The following TRMT44 variants were observed in gnomAD, a reference collection of about 807,000 sequenced individuals.
TRMT44 encodes probable tRNA (uracil-O(2)-)-methyltransferase.
Under a neutral mutation model 77.3 loss-of-function variants are expected in TRMT44, and 78 were observed. That is an observed-to-expected ratio of 1.01 (90% CI 0.84 to 1.22). The LOEUF is 1.22. Among genes scored for constraint, TRMT44 ranks in the 50% most tolerant of loss-of-function variants. TRMT44 has a pLI of 0.00. For missense variants in TRMT44, 1,090 were observed against 964.4 expected (o/e 1.13, Z -1.73); for synonymous variants, 391 against 383.3 (o/e 1.02, Z -0.23).
chr4:8,504,482 G>C, the TRMT44 span, among the ~76,000 whole-genome samples: 1 of 152,120 alleles, frequency 6.6e-6, no homozygotes, highest in Non-Finnish European at 1.5e-5. This position sits in a 1 kb window ranked among gnomAD's most constrained non-coding sequence, Gnocchi z 5.3. Context: ...GTCCAGACCT[G>C]GGCTCCATGC....
chr4:8,512,099 C>T, the TRMT44 span: 1 of 152,150 alleles, frequency 6.6e-6, no homozygotes, highest in African/African-American at 2.4e-5. Flanking sequence ...CAGAGTCTCA[C>T]TCTGTCACCC....
Position 8,452,014 on chromosome 4 carries a change from G to A in TRMT44, c.1009G>A (p.Ala337Thr), listed in dbSNP as rs146119368. ...GTTCGTGTATGAAGATGTGGCTATC[G>A]CAGCATACCTGCTGGTAAGGGTGTA... ...EKFVYEDVAI[A>T]AYLLILWEEE... The change falls in exon 4 of 11, where the codon GCA becomes ACA. Residue 337 changes from alanine to threonine, a missense_variant. Ala to Thr is a moderately conservative substitution (Grantham distance 58). Coordinates refer to ENST00000389737, the MANE Select transcript of TRMT44 (RefSeq NM_152544.3). This position sits in a 1 kb window ranked among gnomAD's most constrained non-coding sequence, Gnocchi z 5.7. 1.5e-4 allele frequency: 223 copies of A among 1,536,616 alleles called. 2 individuals are homozygous for A. In the East Asian group the frequency reaches 5.2e-3, roughly 36 times the overall value.
Position 8,444,665 on chromosome 4 carries a change from C to T in TRMT44, c.620-1811C>T, listed in dbSNP as rs544508423. ...CGCCTGCCTTGGCCTCCCAAAGTGC[C>T]GGGGTTACGGGCGTGAGCCACCTCT... On this transcript the variant is annotated intron_variant, in intron 1 of 10. Transcript: ENST00000389737. This position sits in a 1 kb window ranked among gnomAD's most constrained non-coding sequence, Gnocchi z 4.0. Among the ~76,000 whole-genome samples the T allele has an allele frequency of 9.1e-4, 139 of 152,206 alleles. 1 individual carries two copies. The highest frequency in any genetic ancestry group is 3.2e-3 in the African/African-American group (131 of 41,542).
intron 2 of TRMT44, among the ~76,000 whole-genome samples, chr4:8,489,607 G>T (rs952198974): frequency 3.3e-5 from 5 of 152,162 alleles, no homozygotes; most frequent in Non-Finnish European, 7.4e-5. Flanking sequence ...CTCCCGAGTG[G>T]CTGGGATTAC....
Position 8,446,952 on chromosome 4 carries a change from C to A in TRMT44, c.734+362C>A, listed in dbSNP as rs977857100. Among the ~76,000 whole-genome samples, 1 of 152,198 alleles carries A rather than the reference C, an allele frequency of 6.6e-6. No homozygotes were observed. Among genetic ancestry groups the A allele is most frequent in the African/African-American group, 2.4e-5 (1 of 41,450 alleles). On this transcript the variant is annotated intron_variant, in intron 2 of 10. Transcript: ENST00000389737. The surrounding 1 kb of genome is among the most constrained non-coding windows in gnomAD (Gnocchi z 4.3). ...CCAGGCTGGAGTGCATTGGTGCCAT[C>A]GCATTTCACTGCAACCTCTACCTCC... is the stretch of plus-strand genomic sequence containing the variant.
At chr4:8,499,979 A>G in the TRMT44 span, among the ~76,000 whole-genome samples, 1 of 152,248 alleles carries the variant, frequency 6.6e-6, no homozygotes, top group Non-Finnish European at 1.5e-5. Flanking sequence ...CTGTAATCCC[A>G]TCACTTCGGG....
In TRMT44 at chr4:8,476,136, A is replaced by G. The variant is rs998092801; in HGVS notation, c.*135A>G. Reference sequence around the variant, plus strand: ...CTCCCAGCTTTCTCCACATCCTCACAGTGATGAACCGTATTTCATAAACAT... The same window carrying G: ...CTCCCAGCTTTCTCCACATCCTCACGGTGATGAACCGTATTTCATAAACAT... On this transcript the variant is annotated 3_prime_UTR_variant, in exon 11 of 11. Coordinates refer to ENST00000389737, the MANE Select transcript of TRMT44 (RefSeq NM_152544.3). 2.5e-5 allele frequency: 19 copies of G among 751,020 alleles called. No homozygotes were observed. Among genetic ancestry groups the G allele is most frequent in the Non-Finnish European group, 3.9e-5 (18 of 463,666 alleles). 46.5% of individuals were successfully genotyped at this position (751,020 alleles called of 1,614,324 possible).
At position 8,441,286 on chromosome 4, in the gene TRMT44, G is replaced by T; in HGVS notation, c.464G>T (p.Arg155Leu). 6.5e-7 allele frequency: 1 copy of T among 1,535,464 alleles called. No homozygotes were observed. The highest frequency in any genetic ancestry group is 8.7e-7 in the Non-Finnish European group (1 of 1,146,638). The change falls in exon 1 of 11, where the codon CGT (arginine) becomes CTT (leucine). Residue 155 changes from arginine to leucine, a missense_variant. Arg to Leu is a moderately radical substitution (Grantham distance 102). Coordinates refer to ENST00000389737, the MANE Select transcript of TRMT44 (RefSeq NM_152544.3). ...GAGGATTTCTCCCAAAGTCTCGCCC[G>T]TGGCAATTCGGAGTTGCTGGCCTTC... ...LWEDFSQSLA[R>L]GNSELLAFLT...
the TRMT44 span, among the ~76,000 whole-genome samples, chr4:8,504,557 G>A: frequency 3.3e-5 from 5 of 152,034 alleles, 1 homozygote; most frequent in African/African-American, 1.2e-4. This position sits in a 1 kb window ranked among gnomAD's most constrained non-coding sequence, Gnocchi z 5.3. Flanking sequence ...AGTCTGTAGT[G>A]TGCACAGGTC....
chr4:8,493,177 G>A (rs922720602), intron 2 of TRMT44: 1 of 152,212 alleles, frequency 6.6e-6, no homozygotes, highest in African/African-American at 2.4e-5. Context: ...TTATGGTGTA[G>A]GAGTAATGCA....
At position 8,441,278 on chromosome 4, in the gene TRMT44, T is replaced by G. The variant is rs1328986981; in HGVS notation, c.456T>G (p.Ser152Arg). ...LDSLWEDFSQ[S>R]LARGNSELLA... ...CGCTTTGGGAGGATTTCTCCCAAAG[T>G]CTCGCCCGTGGCAATTCGGAGTTGC... The change falls in exon 1 of 11, where the codon AGT (serine) becomes AGG (arginine). Residue 152 changes from serine (S) to arginine (R), a missense_variant. By Grantham distance (110) the Ser-to-Arg change is moderately radical. Transcript: ENST00000389737. 1 of 1,535,388 alleles carries G rather than the reference T, an allele frequency of 6.5e-7. No individual in the cohort carries two copies. The highest frequency in any genetic ancestry group is 1.4e-5 in the African/African-American group (1 of 73,050).
Position 8,471,067 on chromosome 4 carries a change from A to T in TRMT44, c.1928-17A>T, listed in dbSNP as rs557886814. 2.6e-6 allele frequency: 4 copies of T among 1,563,824 alleles called. No individual in the cohort carries two copies. The highest frequency in any genetic ancestry group is 1.2e-5 in the South Asian group (1 of 84,080). ...TTGCTGTTGTTTTGGGGAAAAAAAA[A>T]ACCCGTTTTTCCACAGAGAGCCTAT... On this transcript the variant is annotated splice_polypyrimidine_tract_variant and intron_variant, in intron 9 of 10. Transcript: ENST00000389737.
In TRMT44 at chr4:8,441,406, C is replaced by T; in HGVS notation, c.584C>T (p.Pro195Leu). The T allele has an allele frequency of 6.6e-7, 1 of 1,525,472 alleles. No individual in the cohort carries two copies. The highest frequency in any genetic ancestry group is 8.8e-7 in the Non-Finnish European group (1 of 1,138,730). The allele number at this position is 1,525,472 out of a possible 1,614,324, so 94.5% of individuals were successfully genotyped here. A position where few individuals can be genotyped will look rare whatever the true frequency, so the allele number is the denominator to read the frequency against. The part of the protein sequence containing the change: ...TVIPKTSPHC[P>L]LTTPRREIVV... ...ATCCCGAAAACTAGCCCACATTGCC[C>T]CCTTACAACTCCCAGGAGGGAAATA... Residue 195 changes from proline (P) to leucine (L), a missense_variant, in exon 1 of 11, where the codon CCC becomes CTC. Pro to Leu is a moderately conservative substitution (Grantham distance 98). Transcript: ENST00000389737.
At chr4:8,463,556 CCT>C (rs1726307632) in intron 6 of TRMT44, among the ~76,000 whole-genome samples, 1 of 152,154 alleles carries the variant, frequency 6.6e-6, no homozygotes, top group African/African-American at 2.4e-5. Context: ...AGGTTAGACC[CCT>C]GTGTTGTATT....
At chr4:8,513,361 C>T in the TRMT44 span, among the ~76,000 whole-genome samples, 2,551 of 152,268 alleles carry the variant, frequency 0.017, 28 homozygotes, top group Non-Finnish European at 0.027. Flanking sequence ...TTCACTATCA[C>T]GAGAACAGCA....
chr4:8,498,978 C>T, the TRMT44 span, among the ~76,000 whole-genome samples: 25 of 152,070 alleles, frequency 1.6e-4, no homozygotes, highest in East Asian at 2.9e-3. This position sits in a 1 kb window ranked among gnomAD's most constrained non-coding sequence, Gnocchi z 4.3. Flanking sequence ...GGGGGTCCCT[C>T]GTGGGAGGTG....
chr4:8,459,585 A>G (rs1726026407), intron 6 of TRMT44, among the ~76,000 whole-genome samples: 1 of 152,234 alleles, frequency 6.6e-6, no homozygotes, highest in Admixed American at 6.5e-5. Context: ...CACTTAAAAA[A>G]TATTTTTCCT....
chr4:8,492,064 G>A (rs1485113026), intron 2 of TRMT44, among the ~76,000 whole-genome samples: 1 of 152,190 alleles, frequency 6.6e-6, no homozygotes, highest in Non-Finnish European at 1.5e-5. Flanking sequence ...CAGTGGTCAG[G>A]AAAAACCCCT....
chr4:8,449,949 C>CTTTTATTTTA, intron 3 of TRMT44, 61 bp downstream of exon 3: 2 of 238,690 alleles, frequency 8.4e-6, no homozygotes, highest in Non-Finnish European at 6.1e-6. Context: ...CTTTTCTTTT[C>CTTTTATTTTA]TTTTTTTTTT....
Sources: allele counts gnomAD v4.1 joint callset (sites outside exome capture counted in the v4.1 genomes callset), GRCh38; gene constraint gnomAD v4.1.1; non-coding constraint Gnocchi (gnomAD v3.1); transcripts MANE v1.5; gene names NCBI Gene and HGNC (gene_info 2026-07-23, HGNC 2026-07-21).